Variants in KDM3B observed in about 807,000 individuals in gnomAD.
KDM3B encodes lysine demethylase 3B, also known as lysine-specific demethylase 3B.
In KDM3B, 10 loss-of-function variants were observed where a neutral mutation model predicts 170.0. The observed-to-expected ratio is 0.06, with a 90% CI of 0.04 to 0.10. The LOEUF (loss-of-function observed/expected upper bound fraction) is 0.10. KDM3B is among the 10% of genes least tolerant of loss of function. The pLI, the probability that KDM3B is intolerant of heterozygous loss-of-function variation, is 1.00. For synonymous variants in KDM3B, 831 were observed against 834.8 expected (o/e 1.00, Z 0.08); for missense variants, 1,394 against 2,195.2 (o/e 0.64, Z 7.29).
chr5:138,376,568 G>A (rs1053499308), intron 3 of KDM3B, among the ~76,000 whole-genome samples: 3 of 151,970 alleles, frequency 2.0e-5, no homozygotes, highest in Non-Finnish European at 4.4e-5. Flanking sequence ...GCTGGGTGTC[G>A]TGGTGGACGC....
chr5:138,390,789 ATC>A (rs1762407478), intron 7 of KDM3B, among the ~76,000 whole-genome samples: 1 of 152,182 alleles, frequency 6.6e-6, no homozygotes, highest in Admixed American at 6.5e-5. Flanking sequence ...ACATCCTGCT[ATC>A]TCTGGTTCAC....
intron 16 of KDM3B, 115 bp downstream of exon 16, chr5:138,424,456 TA>T (rs1199499861): frequency 5.8e-6 from 7 of 1,207,322 alleles, no homozygotes; most frequent in Non-Finnish European, 8.2e-6. Context: ...GAGGTTATTG[TA>T]ATAGCCTTGC....
intron 12 of KDM3B, 141 bp from the exon 13 acceptor site, chr5:138,417,342 C>A: frequency 1.3e-6 from 1 of 798,818 alleles, no homozygotes; most frequent in Non-Finnish European, 1.9e-6. Context: ...TCAGTTTGAT[C>A]ATCAAAAATT....
intron 8 of KDM3B, among the ~76,000 whole-genome samples, chr5:138,392,636 T>G (rs1762463390): frequency 2.0e-5 from 3 of 152,218 alleles, no homozygotes; most frequent in African/African-American, 7.2e-5. Context: ...CATTCCCACA[T>G]AGCAGACATT....
chr5:138,428,169 G>T, intron 20 of KDM3B, 83 bp downstream of exon 20: 5 of 1,299,404 alleles, frequency 3.8e-6, no homozygotes, highest in Non-Finnish European at 5.3e-6. Context: ...CTTAGGGCCA[G>T]TGGCTTTTCC....
At chr5:138,392,451 C>G (rs1306728227) in intron 8 of KDM3B, among the ~76,000 whole-genome samples, 190 bp downstream of exon 8, 1 of 152,252 alleles carries the variant, frequency 6.6e-6, no homozygotes, top group African/African-American at 2.4e-5. Flanking sequence ...TAAACCGGCA[C>G]TGTAGGAGGA....
intron 23 of KDM3B, among the ~76,000 whole-genome samples, chr5:138,431,813 T>C (rs914169728): frequency 5.3e-5 from 8 of 151,680 alleles, no homozygotes; most frequent in African/African-American, 1.9e-4. Context: ...CTCAGGAAAC[T>C]GAGGCAGGAG....
At chr5:138,372,442 G>A (rs950757246) in intron 1 of KDM3B, among the ~76,000 whole-genome samples, 1 of 152,164 alleles carries the variant, frequency 6.6e-6, no homozygotes, top group Non-Finnish European at 1.5e-5. Flanking sequence ...ATTACTGAAT[G>A]ACTGTGAATA....
At chr5:138,362,998 G>A (rs866120282) in intron 1 of KDM3B, among the ~76,000 whole-genome samples, 2 of 151,532 alleles carry the variant, frequency 1.3e-5, no homozygotes, top group African/African-American at 2.4e-5. Context: ...ACTGGGTTCT[G>A]GGTATTTACT....
intron 22 of KDM3B, among the ~76,000 whole-genome samples, chr5:138,431,078 T>G (rs1309908066): frequency 6.6e-6 from 1 of 152,196 alleles, no homozygotes; most frequent in Non-Finnish European, 1.5e-5. Context: ...GTGCAAATAC[T>G]GATATTTTTA....
At chr5:138,401,554 A>G (rs913228048) in intron 11 of KDM3B, among the ~76,000 whole-genome samples, 3 of 152,194 alleles carry the variant, frequency 2.0e-5, no homozygotes, top group Admixed American at 6.5e-5. Flanking sequence ...GCATTTGGCT[A>G]TTATGAATAG....
intron 1 of KDM3B, among the ~76,000 whole-genome samples, chr5:138,371,048 C>T (rs1205108796): frequency 1.3e-5 from 2 of 152,114 alleles, no homozygotes; most frequent in African/African-American, 4.8e-5. Context: ...ACCTTGTGAT[C>T]CACCCGCCTC....
At chr5:138,416,573 G>A (rs1015176776) in intron 12 of KDM3B, among the ~76,000 whole-genome samples, 75 of 139,490 alleles carry the variant, frequency 5.4e-4, no homozygotes, top group African/African-American at 1.9e-3. Flanking sequence ...TAGGCGATAC[G>A]GTGAGACTCT....
At chr5:138,398,998 C>T (rs1159574569) in intron 10 of KDM3B, among the ~76,000 whole-genome samples, 1 of 149,874 alleles carries the variant, frequency 6.7e-6, no homozygotes, top group Non-Finnish European at 1.5e-5. Context: ...ACACCATTCT[C>T]CTGCCTCACC....
At chr5:138,358,469 A>AT (rs907093417) in intron 1 of KDM3B, among the ~76,000 whole-genome samples, 7 of 147,592 alleles carry the variant, frequency 4.7e-5, no homozygotes, top group East Asian at 2.0e-4. Context: ...CACCCAGCTA[A>AT]TTTTTTTTTA....
chr5:138,361,793 ATGT>A (rs1761615920), intron 1 of KDM3B, among the ~76,000 whole-genome samples: 1 of 152,146 alleles, frequency 6.6e-6, no homozygotes, highest in South Asian at 2.1e-4. Flanking sequence ...ATTCCCCAGC[ATGT>A]TGTTTTTATT....
In KDM3B at chr5:138,430,444, G is replaced by C. The variant is rs375552411; in HGVS notation, c.5070+19G>C. 1.6e-5 allele frequency: 25 copies of C among 1,611,612 alleles called. No homozygotes were observed. The African/African-American group carries it at 2.7e-4, about 17-fold the overall frequency. ...ACACCAGGTGGGTTCCTGCTTGGGG[G>C]TTGGGCTGAACAGTTCCATGGGCTT... On this transcript the variant is annotated intron_variant, in intron 22 of 23. Transcript: ENST00000314358.
In KDM3B at chr5:138,409,159, G is replaced by A. The variant is rs140657933; in HGVS notation, c.3200-5973G>A. Among the ~76,000 whole-genome samples the A allele has an allele frequency of 2.7e-3, 418 of 152,234 alleles. 15 individuals carry two copies. Among genetic ancestry groups the A allele is most frequent in the Admixed American group, 0.025 (381 of 15,288 alleles). On this transcript the variant is annotated intron_variant, in intron 11 of 23. Coordinates refer to ENST00000314358, the MANE Select transcript of KDM3B (RefSeq NM_016604.4). ...TGTCAGCTTTTGTAACTTCTATTCAGTATTTTACTGGAGTTAGTGGTCAGT... is the reference window on the plus strand; with the variant it reads ...TGTCAGCTTTTGTAACTTCTATTCAATATTTTACTGGAGTTAGTGGTCAGT...
chr5:138,384,335 CAT>C (rs1491105183), intron 6 of KDM3B, among the ~76,000 whole-genome samples: 2 of 151,500 alleles, frequency 1.3e-5, no homozygotes, highest in Non-Finnish European at 2.9e-5. Context: ...CGTGGTGGCT[CAT>C]ACCTGTAATC....
Sources: allele counts gnomAD v4.1 joint callset (sites outside exome capture counted in the v4.1 genomes callset), GRCh38; gene constraint gnomAD v4.1.1; transcripts MANE v1.5; gene names NCBI Gene and HGNC (gene_info 2026-07-23, HGNC 2026-07-21).